The following YEATS2 variants were observed in gnomAD, a reference collection of about 807,000 sequenced individuals.
YEATS2 encodes YEATS domain containing 2.
Under a neutral mutation model 163.2 loss-of-function variants are expected in YEATS2, and 77 were observed. That is an observed-to-expected ratio of 0.47 (90% CI 0.39 to 0.57). YEATS2 has a LOEUF of 0.57. Ranked by LOEUF, YEATS2 falls within the 20% of genes least tolerant of loss-of-function variation. YEATS2 has a pLI of 0.00. For synonymous variants in YEATS2, 631 were observed against 645.1 expected, an observed-to-expected ratio of 0.98 and a Z score of 0.33; for missense variants, 1,549 against 1,729.8, an observed-to-expected ratio of 0.90 and a Z score of 1.85.
At chr3:183,718,797 C>T (rs536587209) in intron 4 of YEATS2, among the ~76,000 whole-genome samples, 3 of 152,248 alleles carry the variant, frequency 2.0e-5, no homozygotes, top group Admixed American at 6.5e-5. Context: ...CAAGTTCAGG[C>T]GATTCTCCTG....
intron 10 of YEATS2, among the ~76,000 whole-genome samples, chr3:183,752,931 A>G (rs1033002991): frequency 6.6e-6 from 1 of 151,208 alleles, no homozygotes; most frequent in African/African-American, 2.4e-5. Flanking sequence ...CCTGTTAGCT[A>G]GGATTACAGG....
Position 183,800,586 on chromosome 3 carries a change from T to G in YEATS2, c.3428+18T>G. On this transcript the variant is annotated intron_variant, in intron 24 of 30. Coordinates refer to ENST00000305135, the MANE Select transcript of YEATS2 (RefSeq NM_018023.5). ...GTCATTAAGTAATTCTTCCAATCTT[T>G]CCTAAAGGAATTCCGCTTCGGGTGT... is the stretch of plus-strand genomic sequence containing the variant. 2 of 1,604,404 alleles carry G rather than the reference T, an allele frequency of 1.2e-6. No individual in the cohort carries two copies. The highest frequency in any genetic ancestry group is 1.7e-6 in the Non-Finnish European group (2 of 1,171,908).
intron 30 of YEATS2, chr3:183,809,482 T>A: frequency 4.5e-6 from 1 of 221,390 alleles, no homozygotes; most frequent in South Asian, 1.3e-4. Flanking sequence ...GTCCATTACA[T>A]GTCAGACACG....
In YEATS2 at chr3:183,754,266, G is replaced by A; in HGVS notation, c.1291G>A (p.Ala431Thr). 4 of 1,614,136 alleles carry A rather than the reference G, an allele frequency of 2.5e-6. No homozygotes were observed. The highest frequency in any genetic ancestry group is 3.4e-6 in the Non-Finnish European group (4 of 1,180,008). ...TGGCAATTCAGCTTTCCAGCCAATA[G>A]CATCAAGCTGCAAAATTGTTCCACA... is the stretch of plus-strand genomic sequence containing the variant. ...SHGNSAFQPI[A>T]SSCKIVPQSQ... The change falls in exon 11 of 31, where the codon GCA becomes ACA. Residue 431 changes from alanine to threonine, a missense_variant. Coordinates refer to ENST00000305135, the MANE Select transcript of YEATS2 (RefSeq NM_018023.5).
chr3:183,810,390 G>A, intron 30 of YEATS2, 85 bp from the exon 31 acceptor site: 1 of 1,255,198 alleles, frequency 8.0e-7, no homozygotes, highest in Non-Finnish European at 1.1e-6. Flanking sequence ...TGCCTGGGAT[G>A]GTCCCTGTGA....
chr3:183,790,027 T>A (rs997083276), intron 20 of YEATS2, among the ~76,000 whole-genome samples: 1 of 152,226 alleles, frequency 6.6e-6, no homozygotes, highest in East Asian at 1.9e-4. Flanking sequence ...TCCCCGTGCC[T>A]CTTCACAGGT....
At chr3:183,711,815 T>TG (rs1302671371) in intron 1 of YEATS2, among the ~76,000 whole-genome samples, 1 of 87,344 alleles carries the variant, frequency 1.1e-5, no homozygotes, top group African/African-American at 5.7e-5. Flanking sequence ...AAATAGTGTG[T>TG]TTTTTTTTTT....
intron 9 of YEATS2, among the ~76,000 whole-genome samples, chr3:183,748,257 CTTTT>C (rs1232220476): frequency 7.4e-6 from 1 of 135,430 alleles, no homozygotes. Context: ...CCTTCCCCTC[CTTTT>C]TTTTTTTTTT....
chr3:183,705,607 T>C (rs1241774055), intron 1 of YEATS2, among the ~76,000 whole-genome samples: 1 of 152,224 alleles, frequency 6.6e-6, no homozygotes, highest in Non-Finnish European at 1.5e-5. Context: ...ATAATAACTT[T>C]GTACATTCTT....
chr3:183,746,998 A>G (rs1577101920), intron 8 of YEATS2, among the ~76,000 whole-genome samples: 1 of 152,182 alleles, frequency 6.6e-6, no homozygotes, highest in South Asian at 2.1e-4. Flanking sequence ...TAGTGGTGGA[A>G]TATAAATTTA....
At chr3:183,787,416 G>T (rs890539123) in intron 20 of YEATS2, among the ~76,000 whole-genome samples, 3 of 152,050 alleles carry the variant, frequency 2.0e-5, no homozygotes, top group African/African-American at 7.2e-5. Context: ...TGTAGTGGGT[G>T]TAAACTAGTA....
chr3:183,700,817 GTATGATTCTATT>G (rs997906255), intron 1 of YEATS2, among the ~76,000 whole-genome samples: 3 of 148,982 alleles, frequency 2.0e-5, no homozygotes, highest in Non-Finnish European at 4.5e-5. Context: ...GCCACGTGCT[GTATGATTCTATT>G]TATACGAAAT....
chr3:183,722,333 G>C (rs1488608335), intron 5 of YEATS2, among the ~76,000 whole-genome samples, 197 bp downstream of exon 5: 1 of 132,748 alleles, frequency 7.5e-6, no homozygotes, highest in East Asian at 2.1e-4. Flanking sequence ...CTGTTGCCCA[G>C]GCTGGAGTGC....
intron 6 of YEATS2, among the ~76,000 whole-genome samples, chr3:183,727,312 A>G (rs1717221876): frequency 6.6e-6 from 1 of 152,216 alleles, no homozygotes; most frequent in Admixed American, 6.5e-5. Flanking sequence ...ATAAGAAACT[A>G]TTAACTTCTT....
chr3:183,765,937 ACT>A (rs1471382238), intron 15 of YEATS2, among the ~76,000 whole-genome samples: 1 of 150,446 alleles, frequency 6.6e-6, no homozygotes, highest in African/African-American at 2.4e-5. Context: ...ATAGAGCAAG[ACT>A]CTGTCTAAAA....
chr3:183,797,862 A>G, intron 21 of YEATS2, 61 bp from the exon 22 acceptor site: 1 of 1,607,308 alleles, frequency 6.2e-7, no homozygotes, highest in African/African-American at 1.3e-5. Flanking sequence ...AGCACAGAGG[A>G]TAAGAGACTT....
chr3:183,747,616 A>C, intron 8 of YEATS2, 56 bp from the exon 9 acceptor site: 1 of 1,468,826 alleles, frequency 6.8e-7, no homozygotes, highest in African/African-American at 1.4e-5. Context: ...GTATCCTATG[A>C]TAATATGTAA....
At chr3:183,772,026 C>G (rs1722530393) in intron 15 of YEATS2, among the ~76,000 whole-genome samples, 2 of 152,076 alleles carry the variant, frequency 1.3e-5, no homozygotes, top group Admixed American at 6.5e-5. Flanking sequence ...CACGCCCGGC[C>G]AAACTTTTTT....
At chr3:183,797,564 A>AAAT (rs1371516460) in intron 21 of YEATS2, among the ~76,000 whole-genome samples, 5 of 150,740 alleles carry the variant, frequency 3.3e-5, no homozygotes, top group African/African-American at 4.9e-5. Context: ...ATAAATAAAT[A>AAAT]AATAAATAAA....
Sources: allele counts gnomAD v4.1 joint callset (sites outside exome capture counted in the v4.1 genomes callset), GRCh38; gene constraint gnomAD v4.1.1; transcripts MANE v1.5; gene names NCBI Gene and HGNC (gene_info 2026-07-23, HGNC 2026-07-21).